The following NAA16 variants were observed in gnomAD, a reference collection of about 807,000 sequenced individuals.
The protein encoded by NAA16 is N-alpha-acetyltransferase 16, NatA auxiliary subunit, also known as NARG1-like protein.
A neutral mutation model predicts 110.3 loss-of-function variants in NAA16; 97 were observed. That is an observed-to-expected ratio of 0.88 (90% CI 0.75 to 1.04). The LOEUF is 1.04. Among genes scored for constraint, NAA16 ranks in the 50% least tolerant of loss-of-function variants. NAA16 has a pLI of 0.00. For synonymous variants in NAA16, 372 were observed against 330.6 expected, an observed-to-expected ratio of 1.13 and a Z score of -1.36; for missense variants, 1,017 against 1,005.1, an observed-to-expected ratio of 1.01 and a Z score of -0.16.
intron 10 of NAA16, among the ~76,000 whole-genome samples, chr13:41,356,711 A>G (rs76547226): frequency 0.029 from 4,407 of 152,202 alleles, 201 homozygotes; most frequent in African/African-American, 0.098. Flanking sequence ...ATCTAGAACA[A>G]TAACTCTCCC....
At position 41,320,700 on chromosome 13, in the gene NAA16, A is replaced by G; in HGVS notation, c.278A>G (p.Asp93Gly). The G allele has an allele frequency of 1.9e-6, 3 of 1,612,046 alleles. No individual in the cohort carries two copies. Among genetic ancestry groups the G allele is most frequent in the Non-Finnish European group, 2.5e-6 (3 of 1,179,676 alleles). ...WHVYGLLQRSDKKYDEAIKCY... is the reference protein window; with the variant it reads ...WHVYGLLQRSGKKYDEAIKCY... Reference sequence around the variant, plus strand: ...GTATATGGACTCTTGCAGCGTTCTGATAAAAAATATGATGAAGCTATAAAA... The same window carrying G: ...GTATATGGACTCTTGCAGCGTTCTGGTAAAAAATATGATGAAGCTATAAAA... The change falls in exon 4 of 20, where the codon GAT (aspartate) becomes GGT (glycine). Residue 93 changes from aspartate (D) to glycine (G), a missense_variant. Transcript: ENST00000379406.
At chr13:41,320,148 A>G (rs1375942165) in intron 3 of NAA16, among the ~76,000 whole-genome samples, 1 of 152,228 alleles carries the variant, frequency 6.6e-6, no homozygotes, top group Non-Finnish European at 1.5e-5. Flanking sequence ...TATAAGAAAT[A>G]CAACTTATTT....
At chr13:41,325,141 A>C (rs1423787559) in intron 5 of NAA16, among the ~76,000 whole-genome samples, 1 of 151,848 alleles carries the variant, frequency 6.6e-6, no homozygotes, top group Non-Finnish European at 1.5e-5. Context: ...ATTTTAGTAG[A>C]GACGGGGTTT....
intron 10 of NAA16, among the ~76,000 whole-genome samples, chr13:41,357,939 G>T (rs776112588): frequency 6.6e-6 from 1 of 152,210 alleles, no homozygotes; most frequent in Non-Finnish European, 1.5e-5. Flanking sequence ...CTGAAATCTT[G>T]CAGTGGTAGT....
At chr13:41,351,188 T>C (rs991975821) in intron 9 of NAA16, among the ~76,000 whole-genome samples, 1 of 152,150 alleles carries the variant, frequency 6.6e-6, no homozygotes, top group African/African-American at 2.4e-5. Flanking sequence ...AAAGCATTGG[T>C]GTGTGTTTTA....
intron 14 of NAA16, among the ~76,000 whole-genome samples, chr13:41,368,498 C>G (rs1409832520): frequency 6.6e-6 from 1 of 152,110 alleles, no homozygotes; most frequent in African/African-American, 2.4e-5. Flanking sequence ...ACTGGCTGTC[C>G]TTTGTGTGCC....
intron 1 of NAA16, among the ~76,000 whole-genome samples, chr13:41,313,865 C>CTTT (rs35329834): frequency 3.5e-5 from 5 of 144,120 alleles, no homozygotes; most frequent in Non-Finnish European, 7.6e-5. Context: ...GTAGATTTGT[C>CTTT]TTTTTTTTTT....
chr13:41,360,064 G>C (rs1325660417), intron 12 of NAA16, among the ~76,000 whole-genome samples: 1 of 152,104 alleles, frequency 6.6e-6, no homozygotes, highest in Non-Finnish European at 1.5e-5. Context: ...TATATCACAG[G>C]TTTGAAATTA....
chr13:41,324,165 G>A (rs78169639), intron 5 of NAA16, among the ~76,000 whole-genome samples: 18 of 151,998 alleles, frequency 1.2e-4, no homozygotes, highest in Middle Eastern at 3.4e-3. Context: ...TAAGGCCACC[G>A]TCTTTACTTA....
chr13:41,335,904 A>AC (rs1323960186), intron 8 of NAA16, among the ~76,000 whole-genome samples: 1 of 150,978 alleles, frequency 6.6e-6, no homozygotes, highest in Non-Finnish European at 1.5e-5. Flanking sequence ...CCATGTCCTT[A>AC]TGTATTAGTC....
rs553717732 is a variant in NAA16 at position 41,336,704 on chromosome 13, G to C, written c.962G>C (p.Gly321Ala). ...DKFLRVNFSKGCPPLFTTLKS... is the reference protein window; with the variant it reads ...DKFLRVNFSKACPPLFTTLKS... ...TTCCTGAGGGTTAACTTCAGTAAAGGCTGCCCACCCTTGTTTACTACTTTG... is the reference window on the plus strand; with the variant it reads ...TTCCTGAGGGTTAACTTCAGTAAAGCCTGCCCACCCTTGTTTACTACTTTG... Residue 321 changes from glycine (G) to alanine (A), a missense_variant, in exon 9 of 20, where the codon GGC becomes GCC. Gly to Ala is a moderately conservative substitution (Grantham distance 60). Coordinates refer to ENST00000379406, the MANE Select transcript of NAA16 (RefSeq NM_024561.5). 14 of 1,609,482 alleles carry C rather than the reference G, an allele frequency of 8.7e-6. No homozygotes were observed. The highest frequency in any genetic ancestry group is 6.7e-5 in the South Asian group (6 of 90,036).
chr13:41,366,904 C>G (rs2043217952), intron 13 of NAA16, among the ~76,000 whole-genome samples: 1 of 152,096 alleles, frequency 6.6e-6, no homozygotes, highest in Non-Finnish European at 1.5e-5. Context: ...TAATAAGAAG[C>G]TTATCTCTTG....
rs1415944816 is a variant in NAA16, at chr13:41,376,767, G to A, written c.*1165G>A. 1 of 152,120 alleles carries A rather than the reference G, an allele frequency of 6.6e-6. No homozygotes were observed. Among genetic ancestry groups the A allele is most frequent in the Non-Finnish European group, 1.5e-5 (1 of 68,016 alleles). The allele number at this position is 152,120 out of a possible 1,614,324, so 9.4% of individuals were successfully genotyped here. A position where few individuals can be genotyped will look rare whatever the true frequency, so the allele number is the denominator to read the frequency against. ...TAGTGTTGTTAAACAGTATTTTTTGGGGGCGGGTGGATAGCTTTTTGTTCT... is the reference window on the plus strand; with the variant it reads ...TAGTGTTGTTAAACAGTATTTTTTGAGGGCGGGTGGATAGCTTTTTGTTCT... On this transcript the variant is annotated 3_prime_UTR_variant, in exon 20 of 20. Coordinates refer to ENST00000379406, the MANE Select transcript of NAA16 (RefSeq NM_024561.5).
chr13:41,374,299 T>TA (rs2043385487), intron 18 of NAA16, among the ~76,000 whole-genome samples: 2 of 152,354 alleles, frequency 1.3e-5, no homozygotes, highest in Admixed American at 6.5e-5. Flanking sequence ...TCCCCGCCCC[T>TA]ACTCTCCTCC....
At chr13:41,359,462 A>G (rs879312693) in intron 12 of NAA16, among the ~76,000 whole-genome samples, 5 of 152,194 alleles carry the variant, frequency 3.3e-5, no homozygotes, top group South Asian at 2.1e-4. Context: ...CCTTTTCCAC[A>G]TAAACTTTCT....
At chr13:41,328,980 C>T (rs2042164699) in intron 7 of NAA16, 137 bp downstream of exon 7, 7 of 702,348 alleles carry the variant, frequency 1.0e-5, no homozygotes, top group African/African-American at 1.8e-5. Flanking sequence ...ATAGGTTAAA[C>T]ATGGGAGTAA....
At chr13:41,361,908 T>G in intron 12 of NAA16, 123 bp from the exon 13 acceptor site, 1 of 1,026,942 alleles carries the variant, frequency 9.7e-7, no homozygotes. Flanking sequence ...GGAAACATAC[T>G]GATATATTTG....
intron 8 of NAA16, 123 bp from the exon 9 acceptor site, chr13:41,336,527 T>C: frequency 3.5e-6 from 2 of 574,292 alleles, no homozygotes; most frequent in Non-Finnish European, 6.1e-6. Flanking sequence ...ACTATGACTT[T>C]TTGGGTTTAT....
At position 41,340,880 on chromosome 13, in the gene NAA16, C is replaced by T. The variant is rs188789371; in HGVS notation, c.1014+4124C>T. Among the ~76,000 whole-genome samples, 695 of 151,680 alleles carry T rather than the reference C, an allele frequency of 4.6e-3. 6 individuals carry two copies. The highest frequency in any genetic ancestry group is 0.016 in the African/African-American group (656 of 41,410). ...TTTTTTAGTAGAGATGGGGTTTCAC[C>T]GTGGTCTCGATCTCCTGACCTCGTG... On this transcript the variant is annotated intron_variant, in intron 9 of 19. Coordinates refer to ENST00000379406, the MANE Select transcript of NAA16 (RefSeq NM_024561.5).
Sources: allele counts gnomAD v4.1 joint callset (sites outside exome capture counted in the v4.1 genomes callset), GRCh38; gene constraint gnomAD v4.1.1; transcripts MANE v1.5; gene names NCBI Gene and HGNC (gene_info 2026-07-23, HGNC 2026-07-21).